The following ISLR2 variants were observed in gnomAD, a reference collection of about 807,000 sequenced individuals.
The protein encoded by ISLR2 is immunoglobulin superfamily containing leucine rich repeat 2.
Under a neutral mutation model 25.5 loss-of-function variants are expected in ISLR2, and 16 were observed. The observed-to-expected ratio is 0.63, with a 90% CI of 0.43 to 0.95. The LOEUF (loss-of-function observed/expected upper bound fraction) is 0.95, where lower values mean the gene tolerates loss of function less well. ISLR2 is among the 40% of genes least tolerant of loss of function. ISLR2 has a pLI of 0.00. For missense variants in ISLR2, 883 were observed against 1,030.7 expected, an observed-to-expected ratio of 0.86 and a Z score of 1.96; for synonymous variants, 508 against 486.6, an observed-to-expected ratio of 1.04 and a Z score of -0.58.
chr15:74,138,919 GC>G (rs2072595823), downstream of ISLR2, among the ~76,000 whole-genome samples: 2 of 152,110 alleles, frequency 1.3e-5, no homozygotes, highest in Admixed American at 1.3e-4. Context: ...CTGGGAACAG[GC>G]CTGGCTGGGC....
chr15:74,134,793 A>T lies in ISLR2; in HGVS notation c.2039A>T (p.Asp680Val). Reference sequence around the variant, plus strand: ...GTGCAGGGGGAGGGCCTTGATGAAGACGCGGAGCAGGGAGACCCAAGTGGG... The same window carrying T: ...GTGCAGGGGGAGGGCCTTGATGAAGTCGCGGAGCAGGGAGACCCAAGTGGG... ...EDVQGEGLDE[D>V]AEQGDPSGDL... Residue 680 changes from aspartate (D) to valine (V), a missense_variant, in exon 3 of 3, where the codon GAC (aspartate) becomes GTC (valine). Asp to Val is a radical substitution (Grantham distance 152, BLOSUM62 -3). Transcript: ENST00000453268. 1.2e-6 allele frequency: 2 copies of T among 1,614,000 alleles called. No homozygotes were observed. The highest frequency in any genetic ancestry group is 1.7e-6 in the Non-Finnish European group (2 of 1,179,964).
chr15:74,132,610 G>T lies in ISLR2; in HGVS notation c.-8-137G>T, dbSNP rs1461911079. 4.1e-6 allele frequency: 5 copies of T among 1,218,606 alleles called. No individual in the cohort carries two copies. In the East Asian group the frequency reaches 7.7e-5, roughly 19 times the overall value. The allele number at this position is 1,218,606 out of a possible 1,614,324, so 75.5% of individuals were successfully genotyped here. ...TTTTATTGACCTTCACTTCAGAGAG[G>T]CTCCTGGCCATAGAGGAGGTTACCG... On this transcript the variant is annotated intron_variant, in intron 2 of 2. Coordinates refer to ENST00000453268, the MANE Select transcript of ISLR2 (RefSeq NM_020851.3). This position sits in a 1 kb window ranked among gnomAD's most constrained non-coding sequence, Gnocchi z 4.3.
Position 74,134,691 on chromosome 15 carries a change from A to G in ISLR2, c.1937A>G (p.Asp646Gly), listed in dbSNP as rs2072528034. 6 of 1,613,846 alleles carry G rather than the reference A, an allele frequency of 3.7e-6. No individual in the cohort carries two copies. The highest frequency in any genetic ancestry group is 5.1e-6 in the Non-Finnish European group (6 of 1,179,968). The change falls in exon 3 of 3, where the codon GAC becomes GGC. Residue 646 changes from aspartate (D) to glycine (G), a missense_variant. This residue lies in a region of ISLR2 where 612 missense variants were observed against 642.8 expected (regional missense o/e 0.95). Coordinates refer to ENST00000453268, the MANE Select transcript of ISLR2 (RefSeq NM_020851.3). ...GAGAAGCGCATCGCCGCAGACTTCG[A>G]CCCGCGTGCTTCGTACCTCGAGTCC... ...PMEKRIAADF[D>G]PRASYLESEK...
At chr15:74,108,604 G>T (rs1271647974) in intron 2 of ISLR2, among the ~76,000 whole-genome samples, 3 of 152,210 alleles carry the variant, frequency 2.0e-5, no homozygotes, top group African/African-American at 7.2e-5. Flanking sequence ...AGCTGGAGAA[G>T]GGCCTCTGGA....
chr15:74,107,693 C>G (rs1027869214), intron 2 of ISLR2, among the ~76,000 whole-genome samples: 1 of 152,220 alleles, frequency 6.6e-6, no homozygotes, highest in Non-Finnish European at 1.5e-5. Flanking sequence ...GAAAAACCCT[C>G]CACGTCCTTG....
chr15:74,135,853 C>G lies in ISLR2; in HGVS notation c.*861C>G, dbSNP rs574193653. On this transcript the variant is annotated 3_prime_UTR_variant, in exon 3 of 3. Transcript: ENST00000453268. ...CAGAAGCCGGGATTCGTGGCAACCC[C>G]TAGTTTTTAGTTCCAAAGCCTCCTG... 4 of 167,272 alleles carry G rather than the reference C, an allele frequency of 2.4e-5. No individual in the cohort carries two copies. The East Asian group carries it at 7.7e-4, about 32-fold the overall frequency. 10.4% of individuals were successfully genotyped at this position (167,272 alleles called of 1,614,324 possible). A position where few individuals can be genotyped will look rare whatever the true frequency, so the allele number is the denominator to read the frequency against.
chr15:74,132,611 C>T lies in ISLR2; in HGVS notation c.-8-136C>T. 8.1e-7 allele frequency: 1 copy of T among 1,228,794 alleles called. No individual in the cohort carries two copies. Among genetic ancestry groups the T allele is most frequent in the Non-Finnish European group, 1.1e-6 (1 of 910,548 alleles). The allele number at this position is 1,228,794 out of a possible 1,614,324, so 76.1% of individuals were successfully genotyped here. The stretch of plus-strand genomic sequence containing the variant: ...TTTATTGACCTTCACTTCAGAGAGG[C>T]TCCTGGCCATAGAGGAGGTTACCGG... On this transcript the variant is annotated intron_variant, in intron 2 of 2. Coordinates refer to ENST00000453268, the MANE Select transcript of ISLR2 (RefSeq NM_020851.3). This position sits in a 1 kb window ranked among gnomAD's most constrained non-coding sequence, Gnocchi z 4.3.
At position 74,136,792 on chromosome 15, in the gene ISLR2, A is replaced by G. The variant is rs2141968348; in HGVS notation, c.*1800A>G. 1 of 167,096 alleles carries G rather than the reference A, an allele frequency of 6.0e-6. No homozygotes were observed. The highest frequency in any genetic ancestry group is 1.9e-4 in the East Asian group (1 of 5,178). 10.4% of individuals were successfully genotyped at this position (167,096 alleles called of 1,614,324 possible). A position where few individuals can be genotyped will look rare whatever the true frequency, so the allele number is the denominator to read the frequency against. On this transcript the variant is annotated 3_prime_UTR_variant, in exon 3 of 3. Transcript: ENST00000453268. Reference sequence around the variant, plus strand: ...GCGTCTGTATGCAGTCAATAAAACAATCGATTTGAACTGGGCTCGGTGACT... The same window carrying G: ...GCGTCTGTATGCAGTCAATAAAACAGTCGATTTGAACTGGGCTCGGTGACT...
At position 74,117,272 on chromosome 15, in the gene ISLR2, C is replaced by T. The variant is rs139544732; in HGVS notation, n.228+13358C>T. On this transcript the variant is annotated intron_variant and non_coding_transcript_variant, in intron 2 of 3. Transcript: ENST00000561975. Reference sequence around the variant, plus strand: ...ATCTTTTTCTAAGAATACCCAGCCTCCCCTACAATCCATGAGCTATAGGTC... The same window carrying T: ...ATCTTTTTCTAAGAATACCCAGCCTTCCCTACAATCCATGAGCTATAGGTC... Among the ~76,000 whole-genome samples, 615 of 152,314 alleles carry T rather than the reference C, an allele frequency of 4.0e-3. 2 individuals carry two copies. Among genetic ancestry groups the T allele is most frequent in the African/African-American group, 0.014 (593 of 41,568 alleles).
intron 2 of ISLR2, among the ~76,000 whole-genome samples, chr15:74,116,668 G>C (rs1394466276): frequency 6.6e-6 from 1 of 152,128 alleles, no homozygotes; most frequent in East Asian, 1.9e-4. Context: ...ATTGACTGAG[G>C]CAAAAGTAAT....
Position 74,134,946 on chromosome 15 carries a change from A to G in ISLR2, c.2192A>G (p.Asn731Ser), listed in dbSNP as rs2072537313. The G allele has an allele frequency of 6.2e-7, 1 of 1,613,958 alleles. No individual in the cohort carries two copies. The highest frequency in any genetic ancestry group is 2.2e-5 in the East Asian group (1 of 44,878). The change falls in exon 3 of 3, where the codon AAC becomes AGC. Residue 731 changes from asparagine (N) to serine (S), a missense_variant. Physicochemically the swap from Asn to Ser is conservative, Grantham distance 46. Coordinates refer to ENST00000453268, the MANE Select transcript of ISLR2 (RefSeq NM_020851.3). ...DRLPLGAEAVNIAQEINGNYR... is the reference protein window; with the variant it reads ...DRLPLGAEAVSIAQEINGNYR... ...CTGCCCCTGGGCGCCGAGGCGGTCA[A>G]CATCGCCCAGGAGATTAATGGCAAC...
At chr15:74,125,266 C>T (rs991541505), upstream of ISLR2, among the ~76,000 whole-genome samples, 61 of 152,072 alleles carry the variant, frequency 4.0e-4, no homozygotes, top group African/African-American at 1.4e-3. Flanking sequence ...GAGACAGAGT[C>T]TCACTCTGTT....
upstream of ISLR2, chr15:74,129,118 C>T: frequency 2.2e-6 from 1 of 452,876 alleles, no homozygotes. The surrounding 1 kb of genome is among the most constrained non-coding windows in gnomAD (Gnocchi z 4.5). Flanking sequence ...ACTCCAGGCC[C>T]GAGCAGGCGG....
intron 2 of ISLR2, among the ~76,000 whole-genome samples, chr15:74,122,121 G>A (rs1004439398): frequency 6.6e-5 from 10 of 152,198 alleles, no homozygotes; most frequent in Non-Finnish European, 1.5e-4. Context: ...CAGCCACCAG[G>A]CTTGGCACGT....
chr15:74,111,842 A>T (rs2072170688), intron 2 of ISLR2, among the ~76,000 whole-genome samples: 1 of 152,096 alleles, frequency 6.6e-6, no homozygotes, highest in African/African-American at 2.4e-5. Context: ...GAATAAGTAC[A>T]GAGGAATAGC....
At chr15:74,102,797 G>A (rs1286665252) in intron 1 of ISLR2, among the ~76,000 whole-genome samples, 2 of 151,532 alleles carry the variant, frequency 1.3e-5, no homozygotes, top group Non-Finnish European at 1.5e-5. Context: ...AAAGATGACA[G>A]TTTTATTTCC....
intron 2 of ISLR2, among the ~76,000 whole-genome samples, chr15:74,119,447 G>A (rs1217018843): frequency 6.6e-6 from 1 of 152,082 alleles, no homozygotes; most frequent in Admixed American, 6.6e-5. Flanking sequence ...CTGGGCTCAA[G>A]TGGTCCTCCC....
upstream of ISLR2, among the ~76,000 whole-genome samples, chr15:74,124,934 A>G (rs1029242429): frequency 2.0e-5 from 3 of 152,222 alleles, no homozygotes; most frequent in Non-Finnish European, 4.4e-5. Flanking sequence ...CCGCTGAATC[A>G]ACAGCCGGGA....
At position 74,134,960 on chromosome 15, in the gene ISLR2, A is replaced by C; in HGVS notation, c.2206A>C (p.Ile736Leu). 6.2e-7 allele frequency: 1 copy of C among 1,613,484 alleles called. No homozygotes were observed. Among genetic ancestry groups the C allele is most frequent in the South Asian group, 1.1e-5 (1 of 91,058 alleles). ...CGAGGCGGTCAACATCGCCCAGGAG[A>C]TTAATGGCAACTACAGGCAGACGGC... ...GAEAVNIAQE[I>L]NGNYRQTAG The change falls in exon 3 of 3, where the codon ATT becomes CTT. Residue 736 changes from isoleucine (I) to leucine (L), a missense_variant. Ile to Leu is a conservative substitution (Grantham distance 5). This residue lies in a region of ISLR2 where 612 missense variants were observed against 642.8 expected (regional missense o/e 0.95). Coordinates refer to ENST00000453268, the MANE Select transcript of ISLR2 (RefSeq NM_020851.3).
Sources: allele counts gnomAD v4.1 joint callset (sites outside exome capture counted in the v4.1 genomes callset), GRCh38; gene constraint gnomAD v4.1.1; regional missense constraint gnomAD v4.1.1; non-coding constraint Gnocchi (gnomAD v3.1); transcripts MANE v1.5; gene names NCBI Gene and HGNC (gene_info 2026-07-23, HGNC 2026-07-21).